Variants in FSTL5 observed in about 807,000 individuals in gnomAD.
The protein encoded by FSTL5 is follistatin like 5.
In FSTL5, 62 loss-of-function variants were observed where a neutral mutation model predicts 89.1. The ratio of observed to expected loss-of-function variants is 0.70; its 90% confidence interval spans 0.57 to 0.86. The LOEUF (loss-of-function observed/expected upper bound fraction) is 0.86. Ranked by LOEUF, FSTL5 falls within the 40% of genes least tolerant of loss-of-function variation. The pLI is 0.00. For missense variants in FSTL5, 1,057 were observed against 1,001.6 expected (o/e 1.06, Z -0.75); for synonymous variants, 383 against 346.2 (o/e 1.11, Z -1.18).
In FSTL5 at chr4:161,731,088, T is replaced by C. The variant is rs1162062878; in HGVS notation, c.727+28323A>G. Among the ~76,000 whole-genome samples the C allele has an allele frequency of 2.6e-5, 4 of 152,174 alleles. No individual in the cohort carries two copies. The South Asian group carries it at 6.2e-4, about 24-fold the overall frequency. ...AGGTTTTCTGTTTATTGTTAATCAA[T>C]ATATCTATTTTGCACCCTTAAGTTG... On this transcript the variant is annotated intron_variant, in intron 6 of 15. Transcript: ENST00000306100.
intron 11 of FSTL5, among the ~76,000 whole-genome samples, chr4:161,505,017 T>A (rs1047928360): frequency 6.6e-6 from 1 of 152,026 alleles, no homozygotes; most frequent in Non-Finnish European, 1.5e-5. Context: ...AAGTTATAAG[T>A]GTATGATGTA....
chr4:162,023,575 ACCCAAT>A (rs1737174375), intron 3 of FSTL5, among the ~76,000 whole-genome samples: 1 of 152,090 alleles, frequency 6.6e-6, no homozygotes, highest in African/African-American at 2.4e-5. Context: ...ACATTTCCAT[ACCCAAT>A]CCCTAGTTGC....
intron 3 of FSTL5, 118 bp downstream of exon 3, chr4:162,033,505 AAT>A: frequency 1.7e-6 from 1 of 594,498 alleles, no homozygotes; most frequent in East Asian, 3.1e-5. Context: ...AATCACACTG[AAT>A]ATTTTTAATT....
chr4:161,836,791 C>CA (rs1453464145), intron 4 of FSTL5, among the ~76,000 whole-genome samples: 1 of 151,184 alleles, frequency 6.6e-6, no homozygotes, highest in South Asian at 2.1e-4. Flanking sequence ...AATGGAGATG[C>CA]AAAAAAGGAG....
intron 5 of FSTL5, among the ~76,000 whole-genome samples, chr4:161,765,754 A>T (rs1740970290): frequency 6.6e-6 from 1 of 152,136 alleles, no homozygotes; most frequent in Admixed American, 6.6e-5. Context: ...TTTAATAAAG[A>T]ATTGACATAT....
chr4:161,942,301 GAA>G (rs35588754), intron 3 of FSTL5, among the ~76,000 whole-genome samples: 7 of 149,474 alleles, frequency 4.7e-5, no homozygotes, highest in African/African-American at 1.2e-4. Context: ...TCAGAGAATA[GAA>G]AAAAAAAATA....
chr4:161,535,498 T>C (rs1202204077), intron 10 of FSTL5, among the ~76,000 whole-genome samples: 1 of 152,052 alleles, frequency 6.6e-6, no homozygotes, highest in Non-Finnish European at 1.5e-5. Context: ...ATCACTCTGA[T>C]TTGCATCAGA....
At chr4:161,707,670 A>G (rs759085638) in intron 6 of FSTL5, among the ~76,000 whole-genome samples, 1 of 151,922 alleles carries the variant, frequency 6.6e-6, no homozygotes, top group Non-Finnish European at 1.5e-5. Flanking sequence ...ATACACAAAT[A>G]CTTAATTTGC....
chr4:161,503,845 T>C (rs1002607403), intron 11 of FSTL5, among the ~76,000 whole-genome samples: 1 of 152,072 alleles, frequency 6.6e-6, no homozygotes, highest in Admixed American at 6.6e-5. Flanking sequence ...TTGAACATAA[T>C]ATAAAGACTT....
chr4:162,023,434 T>C (rs1435102983), intron 3 of FSTL5, among the ~76,000 whole-genome samples: 3 of 152,176 alleles, frequency 2.0e-5, no homozygotes, highest in Non-Finnish European at 2.9e-5. Context: ...ATGTTTTCTC[T>C]ACCCTTTGGG....
chr4:162,116,273 G>A (rs750141630), intron 1 of FSTL5, among the ~76,000 whole-genome samples: 2 of 152,192 alleles, frequency 1.3e-5, no homozygotes, highest in Non-Finnish European at 2.9e-5. Context: ...TCTTTTATGG[G>A]AGCTGTATGT....
intron 2 of FSTL5, among the ~76,000 whole-genome samples, chr4:162,035,829 A>C (rs2111204509): frequency 6.6e-6 from 1 of 152,218 alleles, no homozygotes; most frequent in East Asian, 1.9e-4. Context: ...GTAGCAGTGT[A>C]TTTGGAATAC....
chr4:162,108,412 G>T (rs1731308399), intron 2 of FSTL5, among the ~76,000 whole-genome samples: 2 of 151,898 alleles, frequency 1.3e-5, no homozygotes, highest in Admixed American at 1.3e-4. Flanking sequence ...GTAAAAATGA[G>T]CTCTATATAT....
At chr4:161,621,575 T>C (rs1203680177) in intron 7 of FSTL5, among the ~76,000 whole-genome samples, 1 of 151,798 alleles carries the variant, frequency 6.6e-6, no homozygotes, top group Non-Finnish European at 1.5e-5. Context: ...ACCAACAAAA[T>C]AGAATAAAGA....
intron 4 of FSTL5, among the ~76,000 whole-genome samples, chr4:161,785,637 C>T (rs113094660): frequency 3.9e-4 from 59 of 152,186 alleles, no homozygotes; most frequent in Non-Finnish European, 7.5e-4. Context: ...TATCAAGCAG[C>T]CATAAGGCAT....
intron 13 of FSTL5, among the ~76,000 whole-genome samples, chr4:161,468,036 T>G (rs1733805604): frequency 6.6e-6 from 1 of 152,070 alleles, no homozygotes; most frequent in South Asian, 2.1e-4. Context: ...TTCTATAGAA[T>G]AGTTTGTCCA....
chr4:161,992,882 A>ATGTGTGTG (rs1553989511), intron 3 of FSTL5, among the ~76,000 whole-genome samples: 38 of 19,964 alleles, frequency 1.9e-3, no homozygotes, highest in African/African-American at 4.7e-3. Context: ...ATATATATAT[A>ATGTGTGTG]TATATATATA....
chr4:161,698,920 A>C (rs1296596592), intron 6 of FSTL5, among the ~76,000 whole-genome samples: 1 of 152,166 alleles, frequency 6.6e-6, no homozygotes, highest in Admixed American at 6.5e-5. Flanking sequence ...ACTGCACTCC[A>C]GCCTGGGTGA....
At chr4:161,713,051 A>G (rs1738853882) in intron 6 of FSTL5, among the ~76,000 whole-genome samples, 1 of 152,158 alleles carries the variant, frequency 6.6e-6, no homozygotes, top group Non-Finnish European at 1.5e-5. Context: ...CAAACAGACT[A>G]ACACAGTTGC....
Sources: gnomAD v4.1 joint callset for allele counts (sites outside exome capture counted in the v4.1 genomes callset) on GRCh38, gnomAD v4.1.1 for gene constraint, MANE v1.5 for transcripts, NCBI Gene and HGNC (gene_info 2026-07-23, HGNC 2026-07-21) for gene names.